LINGO2: variants seen among roughly 807,000 people sequenced by gnomAD.
The protein encoded by LINGO2 is leucine-rich repeat and immunoglobulin-like domain-containing nogo receptor-interacting protein 2.
In LINGO2, 14 loss-of-function variants were observed where a neutral mutation model predicts 30.6. The ratio of observed to expected loss-of-function variants is 0.46; its 90% CI spans 0.30 to 0.72. The LOEUF is 0.72. LINGO2 is among the 30% of genes least tolerant of loss of function. The pLI, the probability that LINGO2 is intolerant of heterozygous loss-of-function variation, is 0.07. For missense variants in LINGO2, 729 were observed against 751.7 expected (o/e 0.97, Z 0.35); for synonymous variants, 317 against 288.5 (o/e 1.10, Z -1.00).
the LINGO2 span, among the ~76,000 whole-genome samples, chr9:29,149,122 A>T: frequency 0.013 from 1,980 of 152,328 alleles, 50 homozygotes; most frequent in African/African-American, 0.045. Context: ...TTCATTTAGT[A>T]AAGTTCACTA....
chr9:28,243,236 T>C (rs926480625), intron 4 of LINGO2, among the ~76,000 whole-genome samples: 6 of 151,978 alleles, frequency 3.9e-5, no homozygotes, highest in Non-Finnish European at 7.4e-5. Context: ...GGTGGGCAGA[T>C]TGCCTGAGTC....
At chr9:28,310,806 TA>T (rs1824584657) in intron 3 of LINGO2, among the ~76,000 whole-genome samples, 1 of 152,222 alleles carries the variant, frequency 6.6e-6, no homozygotes, top group Admixed American at 6.5e-5. Flanking sequence ...TCTTTAAAGT[TA>T]AATCTCTTCT....
At position 28,410,709 on chromosome 9, in the gene LINGO2, G is replaced by A. The variant is rs531246832; in HGVS notation, c.-278-37841C>T. Among the ~76,000 whole-genome samples, 7 of 152,148 alleles carry A rather than the reference G, an allele frequency of 4.6e-5. No homozygotes were observed. The East Asian group carries it at 5.8e-4, about 13-fold the overall frequency. On this transcript the variant is annotated intron_variant, in intron 2 of 5. Transcript: ENST00000379992. ...ATTTGAAAGATTCAGAACAACAAAC[G>A]CAATAAGGGGGAAGTGCACTGTGTA...
the LINGO2 span, among the ~76,000 whole-genome samples, chr9:28,813,601 G>A: frequency 6.6e-6 from 1 of 152,122 alleles, no homozygotes; most frequent in Non-Finnish European, 1.5e-5. Context: ...GGCAAGCACA[G>A]GAGACACACA....
rs149299269 is a variant in LINGO2, at chr9:27,951,374, C to T, written c.-35-668G>A. Among the ~76,000 whole-genome samples the T allele has an allele frequency of 2.7e-3, 404 of 152,202 alleles. 1 individual carries two copies. The highest frequency in any genetic ancestry group is 9.6e-3 in the African/African-American group (397 of 41,532). On this transcript the variant is annotated intron_variant, in intron 5 of 5. Transcript: ENST00000379992. Reference sequence around the variant, plus strand: ...CAGACAAAAGATCCTCAAAGTATCCCTGTATTGTTTTTGTTTCTCATAGGA... The same window carrying T: ...CAGACAAAAGATCCTCAAAGTATCCTTGTATTGTTTTTGTTTCTCATAGGA...
At chr9:28,775,227 T>G in the LINGO2 span, among the ~76,000 whole-genome samples, 1 of 152,122 alleles carries the variant, frequency 6.6e-6, no homozygotes, top group South Asian at 2.1e-4. Context: ...GGTGTTTTGG[T>G]TGTGAAAAGC....
the LINGO2 span, among the ~76,000 whole-genome samples, chr9:29,067,419 A>G: frequency 6.6e-6 from 1 of 151,746 alleles, no homozygotes; most frequent in Admixed American, 6.6e-5. Context: ...CTATTAACCT[A>G]TTAAACTCTT....
At chr9:28,035,634 T>C (rs80328771) in intron 4 of LINGO2, among the ~76,000 whole-genome samples, 1,666 of 152,324 alleles carry the variant, frequency 0.011, 35 homozygotes, top group African/African-American at 0.038. Context: ...TTAAGTATCT[T>C]GTTGACTTTT....
intron 2 of LINGO2, among the ~76,000 whole-genome samples, chr9:28,460,226 A>G (rs149782228): frequency 1.3e-5 from 2 of 152,278 alleles, no homozygotes; most frequent in Admixed American, 6.5e-5. Context: ...ATTATGCTTA[A>G]TATAGGAGCA....
chr9:28,915,305 C>CG, the LINGO2 span, among the ~76,000 whole-genome samples: 1 of 152,116 alleles, frequency 6.6e-6, no homozygotes, highest in East Asian at 1.9e-4. Context: ...AAGAAAGGCA[C>CG]GGGTTCTCAA....
chr9:28,081,939 A>T (rs1037109434), intron 4 of LINGO2, among the ~76,000 whole-genome samples: 1 of 152,186 alleles, frequency 6.6e-6, no homozygotes, highest in Non-Finnish European at 1.5e-5. Flanking sequence ...ACACTAAGGG[A>T]ATGCCTTCAT....
At chr9:28,992,715 C>G in the LINGO2 span, among the ~76,000 whole-genome samples, 1 of 152,090 alleles carries the variant, frequency 6.6e-6, no homozygotes, top group Non-Finnish European at 1.5e-5. Context: ...GAAACTCACT[C>G]AAAACCACTC....
At chr9:28,928,954 G>C in the LINGO2 span, among the ~76,000 whole-genome samples, 3 of 152,148 alleles carry the variant, frequency 2.0e-5, no homozygotes, top group Admixed American at 6.5e-5. Context: ...CATGTGAATA[G>C]GTCAGTGCAG....
Position 27,963,655 on chromosome 9 carries a change from A to C in LINGO2, c.-35-12949T>G, listed in dbSNP as rs560349276. Among the ~76,000 whole-genome samples, 4 of 151,184 alleles carry C rather than the reference A, an allele frequency of 2.6e-5. No individual in the cohort carries two copies. In the South Asian group the frequency reaches 8.3e-4, roughly 31 times the overall value. On this transcript the variant is annotated intron_variant, in intron 5 of 5. Transcript: ENST00000379992. ...ATCTCTGTAAACCTTCTGACAATCT[A>C]TAAGACTTTTTTGTTTTTTTGAAGT...
chr9:28,340,148 A>G (rs982543280), intron 3 of LINGO2, among the ~76,000 whole-genome samples: 5 of 152,208 alleles, frequency 3.3e-5, no homozygotes, highest in African/African-American at 1.2e-4. Context: ...CCTAAGGTTA[A>G]ATTCTGACAC....
At chr9:28,273,799 T>G (rs1049391873) in intron 4 of LINGO2, among the ~76,000 whole-genome samples, 1 of 152,166 alleles carries the variant, frequency 6.6e-6, no homozygotes, top group Admixed American at 6.5e-5. Flanking sequence ...GGTATCTTTA[T>G]TCAGAGAGTA....
At chr9:28,457,164 T>G (rs1410566457) in intron 2 of LINGO2, among the ~76,000 whole-genome samples, 1 of 152,118 alleles carries the variant, frequency 6.6e-6, no homozygotes, top group Non-Finnish European at 1.5e-5. Flanking sequence ...GGAGAAACCT[T>G]GACCCATCAC....
At chr9:28,429,815 G>T (rs1823574159) in intron 2 of LINGO2, among the ~76,000 whole-genome samples, 2 of 152,032 alleles carry the variant, frequency 1.3e-5, no homozygotes, top group African/African-American at 2.4e-5. Context: ...TTGAATCCAT[G>T]CATATAAAAA....
chr9:28,137,945 C>A (rs961404397), intron 4 of LINGO2, among the ~76,000 whole-genome samples: 34 of 152,128 alleles, frequency 2.2e-4, no homozygotes, highest in African/African-American at 8.2e-4. Flanking sequence ...AATAAAATTC[C>A]TCCAAGATAC....
Sources: allele counts gnomAD v4.1 joint callset (sites outside exome capture counted in the v4.1 genomes callset), GRCh38; gene constraint gnomAD v4.1.1; transcripts MANE v1.5; gene names NCBI Gene and HGNC (gene_info 2026-07-23, HGNC 2026-07-21).